CSNK1A1: variants seen among roughly 807,000 people sequenced by gnomAD.
The protein encoded by CSNK1A1 is casein kinase 1 alpha 1.
CSNK1A1 carries 7 observed loss-of-function variants against 46.1 expected under a neutral mutation model. The ratio of observed to expected loss-of-function variants is 0.15; its 90% CI spans 0.09 to 0.29. CSNK1A1 has a LOEUF of 0.29. Among genes scored for constraint, CSNK1A1 ranks in the 10% least tolerant of loss-of-function variants. CSNK1A1 has a pLI of 1.00. For synonymous variants in CSNK1A1, 137 were observed against 141.5 expected (o/e 0.97, Z 0.23); for missense variants, 96 against 417.1 (o/e 0.23, Z 6.71).
intron 9 of CSNK1A1, 86 bp downstream of exon 9, chr5:149,505,361 C>T (rs1760989414): frequency 6.7e-7 from 1 of 1,498,992 alleles, no homozygotes; most frequent in Non-Finnish European, 8.9e-7. Flanking sequence ...AAAACCACCT[C>T]CTTGATCTAA....
intron 9 of CSNK1A1, chr5:149,497,520 C>T: frequency 1.0e-6 from 1 of 985,606 alleles, no homozygotes. Flanking sequence ...TCCTCCACCA[C>T]AAGTAGACCC....
In CSNK1A1 at chr5:149,503,913, C is replaced by A. The variant is rs974227671; in HGVS notation, c.1006+1534G>T. 19 of 985,356 alleles carry A rather than the reference C, an allele frequency of 1.9e-5. No individual in the cohort carries two copies. The African/African-American group carries it at 3.1e-4, about 16-fold the overall frequency. The allele number at this position is 985,356 out of a possible 1,614,324, so 61.0% of individuals were successfully genotyped here. ...TCCTATTATCCCAGCTAGCTTTCGG[C>A]AAAATTGGTTTCATTTTGTGAGAAA... On this transcript the variant is annotated intron_variant, in intron 9 of 9. Transcript: ENST00000377843.
intron 2 of CSNK1A1, among the ~76,000 whole-genome samples, chr5:149,537,207 C>T (rs1488396805): frequency 6.6e-6 from 1 of 152,070 alleles, no homozygotes; most frequent in Admixed American, 6.6e-5. Context: ...GAAACCCCAT[C>T]TCTACTAAAA....
chr5:149,547,760 ACTTT>A (rs1467505476), intron 2 of CSNK1A1, among the ~76,000 whole-genome samples: 5 of 152,180 alleles, frequency 3.3e-5, no homozygotes, highest in Non-Finnish European at 7.3e-5. Flanking sequence ...TAAATTTGCA[ACTTT>A]CTTCCAAATG....
chr5:149,516,242 G>A (rs1761397721), intron 4 of CSNK1A1, among the ~76,000 whole-genome samples: 1 of 152,074 alleles, frequency 6.6e-6, no homozygotes, highest in African/African-American at 2.4e-5. Flanking sequence ...GCTTGAACCT[G>A]GGAGGTGGAA....
At chr5:149,499,191 GGT>G (rs1760746329) in intron 9 of CSNK1A1, 1 of 984,768 alleles carries the variant, frequency 1.0e-6, no homozygotes, top group Non-Finnish European at 1.2e-6. Flanking sequence ...ATTGGTCTTT[GGT>G]TTTTATCTTG....
intron 9 of CSNK1A1, chr5:149,503,244 A>C (rs1016494273): frequency 2.0e-6 from 2 of 985,310 alleles, no homozygotes; most frequent in African/African-American, 3.5e-5. Context: ...AGTTAGGGGA[A>C]TATGTTCCTC....
chr5:149,542,290 C>A (rs1245794592), intron 2 of CSNK1A1, among the ~76,000 whole-genome samples: 1 of 151,936 alleles, frequency 6.6e-6, no homozygotes, highest in Admixed American at 6.6e-5. Flanking sequence ...CAGGTAGTTG[C>A]AGGAAAGCAA....
In CSNK1A1 at chr5:149,525,374, C is replaced by A. The variant is rs1256717645; in HGVS notation, c.231-203G>T. On this transcript the variant is annotated intron_variant, in intron 2 of 9. Transcript: ENST00000377843. This position sits in a 1 kb window ranked among gnomAD's most constrained non-coding sequence, Gnocchi z 4.2. ...GAGACTTTTTTTTTTCCCTGTCATG[C>A]AACTCCATTCTCCTATATAGATAGG... Among the ~76,000 whole-genome samples the A allele has an allele frequency of 1.3e-5, 2 of 151,936 alleles. No homozygotes were observed. The highest frequency in any genetic ancestry group is 2.9e-5 in the Non-Finnish European group (2 of 67,978).
chr5:149,524,391 C>T (rs989184534), intron 3 of CSNK1A1, among the ~76,000 whole-genome samples: 8 of 152,096 alleles, frequency 5.3e-5, no homozygotes, highest in African/African-American at 1.9e-4. Context: ...CAATCATTAC[C>T]TTAATGTATT....
chr5:149,496,834 T>C lies in CSNK1A1; in HGVS notation c.*19A>G. 1 of 1,559,406 alleles carries C rather than the reference T, an allele frequency of 6.4e-7. No individual in the cohort carries two copies. Among genetic ancestry groups the C allele is most frequent in the Non-Finnish European group, 8.7e-7 (1 of 1,152,826 alleles). ...TGCTCCGATCATCTGCTCTGCTTCT[T>C]CTGTTCCTCAATTCATGCTTAGAAA... On this transcript the variant is annotated 3_prime_UTR_variant, in exon 10 of 10. Transcript: ENST00000377843.
chr5:149,534,686 T>C (rs774465865), intron 2 of CSNK1A1, among the ~76,000 whole-genome samples: 3 of 151,836 alleles, frequency 2.0e-5, no homozygotes, highest in Non-Finnish European at 4.4e-5. Context: ...ATCCCAACAC[T>C]TTGGGAGGTC....
intron 9 of CSNK1A1, chr5:149,503,748 G>C: frequency 1.0e-6 from 1 of 985,280 alleles, no homozygotes; most frequent in Non-Finnish European, 1.2e-6. Flanking sequence ...TTGAATAAGA[G>C]ACACACAGTA....
chr5:149,509,270 AT>A (rs1761137703), intron 7 of CSNK1A1, among the ~76,000 whole-genome samples: 1 of 152,142 alleles, frequency 6.6e-6, no homozygotes, highest in Admixed American at 6.5e-5. Flanking sequence ...TGTTAAAGAT[AT>A]TTAGAATAAT....
chr5:149,505,701 T>G (rs1760999204), intron 8 of CSNK1A1, 106 bp from the exon 9 acceptor site: 1 of 898,090 alleles, frequency 1.1e-6, no homozygotes. Flanking sequence ...ACAACGAATA[T>G]TTCCTCAAGT....
intron 3 of CSNK1A1, among the ~76,000 whole-genome samples, chr5:149,521,516 G>C (rs1317608528): frequency 1.3e-5 from 2 of 151,816 alleles, no homozygotes; most frequent in East Asian, 1.9e-4. Flanking sequence ...TGAACTCCTG[G>C]GTTCAGGAGA....
chr5:149,496,592 C>A lies in CSNK1A1; in HGVS notation c.*261G>T. The A allele has an allele frequency of 2.4e-6, 1 of 424,218 alleles. No individual in the cohort carries two copies. The highest frequency in any genetic ancestry group is 2.0e-5 in the African/African-American group (1 of 48,958). The allele number at this position is 424,218 out of a possible 1,614,324, so 26.3% of individuals were successfully genotyped here. A position where few individuals can be genotyped will look rare whatever the true frequency, so the allele number is the denominator to read the frequency against. On this transcript the variant is annotated 3_prime_UTR_variant, in exon 10 of 10. Transcript: ENST00000377843. ...GTCAACCATTTAGTTAACTTTTCCA[C>A]TTGAAAAAATGCAATAGAAAACCGG...
chr5:149,498,373 T>C (rs9791154), intron 9 of CSNK1A1: 250,809 of 984,964 alleles, frequency 0.25, 33,262 homozygotes, highest in Admixed American at 0.4. Flanking sequence ...ATAGGGAATA[T>C]CATTTGATGC....
At chr5:149,542,727 G>A (rs1276464414) in intron 2 of CSNK1A1, among the ~76,000 whole-genome samples, 17 of 109,114 alleles carry the variant, frequency 1.6e-4, no homozygotes, top group African/African-American at 1.1e-4. Context: ...ACAGAGGCTC[G>A]CTCTGTCACC....
Sources: allele counts gnomAD v4.1 joint callset (sites outside exome capture counted in the v4.1 genomes callset), GRCh38; gene constraint gnomAD v4.1.1; non-coding constraint Gnocchi (gnomAD v3.1); transcripts MANE v1.5; gene names NCBI Gene and HGNC (gene_info 2026-07-23, HGNC 2026-07-21).